CTNNA2: variants seen among roughly 807,000 people sequenced by gnomAD.
CTNNA2 encodes the protein catenin alpha 2, also known as catenin alpha-2.
A neutral mutation model predicts 101.0 loss-of-function variants in CTNNA2; 42 were observed. The ratio of observed to expected loss-of-function variants is 0.42; its 90% confidence interval spans 0.32 to 0.54. The LOEUF is 0.54. Among genes scored for constraint, CTNNA2 ranks in the 20% least tolerant of loss-of-function variants. The pLI is 0.14. For synonymous variants in CTNNA2, 450 were observed against 456.4 expected, an observed-to-expected ratio of 0.99 and a Z score of 0.18; for missense variants, 871 against 1,223.1, an observed-to-expected ratio of 0.71 and a Z score of 4.29.
chr2:79,193,125 G>T (rs1349116561), intron 1 of CTNNA2, among the ~76,000 whole-genome samples: 1 of 151,904 alleles, frequency 6.6e-6, no homozygotes, highest in African/African-American at 2.4e-5. Context: ...TCTGTAACTT[G>T]GTATTTTCCT....
intron 7 of CTNNA2, chr2:80,030,561 G>A (rs1053295333): frequency 6.6e-6 from 1 of 152,140 alleles, no homozygotes; most frequent in African/African-American, 2.4e-5. Flanking sequence ...GAGCTAAGGA[G>A]ACAAAGCAGG....
intron 7 of CTNNA2, among the ~76,000 whole-genome samples, chr2:80,134,576 G>A (rs992180501): frequency 1.3e-5 from 2 of 152,154 alleles, no homozygotes; most frequent in African/African-American, 2.4e-5. Context: ...CAGATGCACA[G>A]GGCAAATGGA....
chr2:79,329,220 G>T (rs546292686), intron 3 of CTNNA2, among the ~76,000 whole-genome samples: 161 of 152,258 alleles, frequency 1.1e-3, no homozygotes, highest in Middle Eastern at 3.4e-3. Flanking sequence ...GCCTCAAATA[G>T]CAGGGCCACT....
intron 7 of CTNNA2, among the ~76,000 whole-genome samples, chr2:80,031,639 G>C (rs1406271883): frequency 6.6e-6 from 1 of 152,164 alleles, no homozygotes; most frequent in East Asian, 1.9e-4. Context: ...CTATATCAGG[G>C]TGAATATGAC....
intron 7 of CTNNA2, among the ~76,000 whole-genome samples, chr2:80,192,530 T>C (rs978143748): frequency 6.6e-6 from 1 of 152,328 alleles, no homozygotes; most frequent in East Asian, 1.9e-4. Flanking sequence ...TTTCTTTTTT[T>C]TTCTTTTTAT....
intron 7 of CTNNA2, among the ~76,000 whole-genome samples, chr2:80,325,297 C>CTATAGGATT (rs2149253200): frequency 6.6e-6 from 1 of 152,178 alleles, no homozygotes; most frequent in South Asian, 2.1e-4. Flanking sequence ...GGATTTATAG[C>CTATAGGATT]TATGGAAAGA....
chr2:79,772,823 C>A (rs1164175615), intron 3 of CTNNA2, among the ~76,000 whole-genome samples: 1 of 152,130 alleles, frequency 6.6e-6, no homozygotes. Context: ...CCTTGGCCTC[C>A]CAAAGCATGT....
At chr2:79,352,140 C>T (rs1016275250) in intron 3 of CTNNA2, among the ~76,000 whole-genome samples, 4 of 151,922 alleles carry the variant, frequency 2.6e-5, no homozygotes, top group South Asian at 2.1e-4. Flanking sequence ...GATGATATCT[C>T]GTTGTTTTTA....
chr2:79,573,078 C>A (rs571971106), intron 1 of CTNNA2, among the ~76,000 whole-genome samples: 3 of 152,190 alleles, frequency 2.0e-5, no homozygotes, highest in Non-Finnish European at 4.4e-5. Context: ...TCCTCCATAC[C>A]GCTTATGAAC....
intron 9 of CTNNA2, among the ~76,000 whole-genome samples, chr2:80,529,851 C>G (rs527319048): frequency 5.3e-5 from 8 of 152,198 alleles, no homozygotes; most frequent in African/African-American, 1.9e-4. Context: ...TAAAAATGAC[C>G]TACTGAGGAT....
intron 1 of CTNNA2, among the ~76,000 whole-genome samples, chr2:79,587,722 T>C (rs998752625): frequency 1.3e-5 from 2 of 151,852 alleles, no homozygotes; most frequent in Non-Finnish European, 2.9e-5. Flanking sequence ...GGAATGGGAG[T>C]CCAGCCCAAG....
intron 7 of CTNNA2, among the ~76,000 whole-genome samples, chr2:80,058,401 T>C (rs1697364435): frequency 6.6e-6 from 1 of 152,234 alleles, no homozygotes; most frequent in African/African-American, 2.4e-5. Flanking sequence ...AGGACAGGAC[T>C]CCTCCTTTTT....
At chr2:79,473,479 CAA>C (rs1573182834) in intron 4 of CTNNA2, among the ~76,000 whole-genome samples, 1 of 151,660 alleles carries the variant, frequency 6.6e-6, no homozygotes, top group East Asian at 1.9e-4. Flanking sequence ...TGCCAAAAAA[CAA>C]AACAAATACA....
At chr2:80,293,888 A>AGT in intron 7 of CTNNA2, among the ~76,000 whole-genome samples, 1 of 152,210 alleles carries the variant, frequency 6.6e-6, no homozygotes, top group Admixed American at 6.5e-5. Flanking sequence ...CAAAGAAAAG[A>AGT]GTGTCAGGCT....
intron 2 of CTNNA2, among the ~76,000 whole-genome samples, chr2:79,240,668 T>G (rs995332992): frequency 2.0e-5 from 3 of 152,106 alleles, no homozygotes; most frequent in African/African-American, 7.2e-5. Context: ...AGACATGAGG[T>G]ACAGACAATA....
intron 4 of CTNNA2, among the ~76,000 whole-genome samples, chr2:79,392,800 T>G (rs1242990778): frequency 6.6e-6 from 1 of 152,178 alleles, no homozygotes; most frequent in African/African-American, 2.4e-5. Flanking sequence ...CTTAATGATA[T>G]CCTATGCAGT....
At position 79,805,534 on chromosome 2, in the gene CTNNA2, A is replaced by T. The variant is rs184338863; in HGVS notation, c.299-52479A>T. ...TCAGATTTATGGATTAGGCATGCTC[A>T]ACTTCTTTTATATTTGAATAATAAT... On this transcript the variant is annotated intron_variant, in intron 3 of 18. Transcript: ENST00000402739. Among the ~76,000 whole-genome samples the T allele has an allele frequency of 5.7e-3, 866 of 152,274 alleles. 7 individuals carry two copies. The highest frequency in any genetic ancestry group is 8.4e-3 in the Non-Finnish European group (569 of 68,010).
At chr2:80,543,174 A>C (rs1691729643) in intron 9 of CTNNA2, among the ~76,000 whole-genome samples, 1 of 152,232 alleles carries the variant, frequency 6.6e-6, no homozygotes, top group South Asian at 2.1e-4. Flanking sequence ...TGAGTCAGGC[A>C]CTTGGATTGT....
chr2:80,582,967 C>T (rs1259374521), intron 14 of CTNNA2, among the ~76,000 whole-genome samples: 1 of 152,036 alleles, frequency 6.6e-6, no homozygotes, highest in Non-Finnish European at 1.5e-5. Flanking sequence ...TATTCTCACT[C>T]AACAATCAAG....
Sources: gnomAD v4.1 joint callset for allele counts (sites outside exome capture counted in the v4.1 genomes callset) on GRCh38, gnomAD v4.1.1 for gene constraint, MANE v1.5 for transcripts, NCBI Gene and HGNC (gene_info 2026-07-23, HGNC 2026-07-21) for gene names.